GRK5: variants seen among roughly 807,000 people sequenced by gnomAD.
GRK5 encodes the protein G protein-coupled receptor kinase 5.
GRK5 carries 40 observed loss-of-function variants against 78.4 expected under a neutral mutation model. The observed-to-expected ratio is 0.51, with a 90% CI of 0.40 to 0.66. GRK5 has a LOEUF of 0.66. Among genes scored for constraint, GRK5 ranks in the 30% least tolerant of loss-of-function variants. The pLI, the probability that GRK5 is intolerant of heterozygous loss-of-function variation, is 0.00. For synonymous variants in GRK5, 289 were observed against 296.8 expected, an observed-to-expected ratio of 0.97 and a Z score of 0.27; for missense variants, 598 against 759.9, an observed-to-expected ratio of 0.79 and a Z score of 2.50.
intron 1 of GRK5, among the ~76,000 whole-genome samples, chr10:119,258,498 C>T (rs770801937): frequency 6.6e-6 from 1 of 152,178 alleles, no homozygotes; most frequent in Non-Finnish European, 1.5e-5. Context: ...TTATAAGAAA[C>T]CTGCAAGCTG....
chr10:119,347,426 T>C (rs575710511), intron 2 of GRK5, among the ~76,000 whole-genome samples: 5 of 152,288 alleles, frequency 3.3e-5, no homozygotes, highest in African/African-American at 9.6e-5. Context: ...CATGCAAGTT[T>C]GTATGTGTCC....
At chr10:119,237,780 T>C (rs1428564890) in intron 1 of GRK5, among the ~76,000 whole-genome samples, 1 of 152,076 alleles carries the variant, frequency 6.6e-6, no homozygotes, top group Admixed American at 6.5e-5. Context: ...ATGGGAACAC[T>C]GGAAAATAGA....
intron 4 of GRK5, among the ~76,000 whole-genome samples, chr10:119,419,799 T>C (rs965325990): frequency 7.9e-5 from 12 of 152,236 alleles, no homozygotes; most frequent in African/African-American, 2.7e-4. Flanking sequence ...TTCCGTCTTC[T>C]ATAAAGCCTT....
intron 8 of GRK5, among the ~76,000 whole-genome samples, chr10:119,434,597 G>A (rs377593758): frequency 6.6e-5 from 10 of 152,350 alleles, no homozygotes; most frequent in South Asian, 2.1e-4. Context: ...ATGCCAAGAC[G>A]TGGGTTCCCA....
At chr10:119,235,067 C>A (rs572559993) in intron 1 of GRK5, among the ~76,000 whole-genome samples, 1 of 152,128 alleles carries the variant, frequency 6.6e-6, no homozygotes, top group Non-Finnish European at 1.5e-5. Context: ...CTCTGCCTTC[C>A]CAGGCTTGGG....
At chr10:119,312,036 C>T (rs1850368458) in intron 1 of GRK5, among the ~76,000 whole-genome samples, 1 of 151,392 alleles carries the variant, frequency 6.6e-6, no homozygotes, top group Non-Finnish European at 1.5e-5. Context: ...CCTGCCTCAG[C>T]CTCCTGAGTA....
chr10:119,394,356 G>C lies in GRK5; in HGVS notation c.262-2339G>C, dbSNP rs1564917116. On this transcript the variant is annotated intron_variant, in intron 3 of 15. Transcript: ENST00000392870. Reference sequence around the variant, plus strand: ...TGTGTCTGTGTGTGGGCATGTGGGTGTGTGGGTGTGTGTGGGTGTCGGTGT... The same window carrying C: ...TGTGTCTGTGTGTGGGCATGTGGGTCTGTGGGTGTGTGTGGGTGTCGGTGT... Among the ~76,000 whole-genome samples the C allele has an allele frequency of 1.6e-3, 169 of 107,392 alleles. 26 individuals carry two copies. The highest frequency in any genetic ancestry group is 4.7e-3 in the Middle Eastern group (1 of 214). The allele number at this position is 107,392 out of a possible 152,430, so 70.5% of individuals were successfully genotyped here. A position where few individuals can be genotyped will look rare whatever the true frequency, so the allele number is the denominator to read the frequency against.
intron 2 of GRK5, among the ~76,000 whole-genome samples, chr10:119,343,916 C>T (rs1851027537): frequency 1.3e-5 from 2 of 152,088 alleles, no homozygotes; most frequent in South Asian, 2.1e-4. Flanking sequence ...CTGTGTACGG[C>T]GTTTCTCAAG....
intron 3 of GRK5, among the ~76,000 whole-genome samples, chr10:119,386,439 C>A (rs1038471672): frequency 3.3e-5 from 5 of 152,158 alleles, no homozygotes; most frequent in African/African-American, 1.2e-4. Context: ...TAGACACTTA[C>A]AGTCAGTTTG....
At chr10:119,417,849 G>A (rs1852492996) in intron 4 of GRK5, among the ~76,000 whole-genome samples, 2 of 152,202 alleles carry the variant, frequency 1.3e-5, no homozygotes, top group East Asian at 3.9e-4. Context: ...TGTTCCAAGT[G>A]ATGGGAAGAG....
rs145397190 is a variant in GRK5, at chr10:119,436,822, C to A, written c.910C>A (p.Arg304Ser). Residue 304 changes from arginine (R) to serine (S), a missense_variant, in exon 9 of 16, where the codon CGT (arginine) becomes AGT (serine). By Grantham distance (110) the Arg-to-Ser change is moderately radical. Transcript: ENST00000392870. ...CCTCTGCGGCTTAGAAGACCTCCACCGTGAGAACACCGTCTACCGGTGAGT... is the reference window on the plus strand; with the variant it reads ...CCTCTGCGGCTTAGAAGACCTCCACAGTGAGAACACCGTCTACCGGTGAGT... ...EILCGLEDLH[R>S]ENTVYRDLKP... 1 of 1,608,478 alleles carries A rather than the reference C, an allele frequency of 6.2e-7. No individual in the cohort carries two copies. Among genetic ancestry groups the A allele is most frequent in the Non-Finnish European group, 8.5e-7 (1 of 1,176,660 alleles).
chr10:119,450,802 C>T (rs1229993657), intron 13 of GRK5, among the ~76,000 whole-genome samples: 1 of 152,128 alleles, frequency 6.6e-6, no homozygotes, highest in Non-Finnish European at 1.5e-5. Context: ...CCTGCCTCAG[C>T]CGTGTACCCT....
At chr10:119,355,614 T>G (rs1286806471) in intron 2 of GRK5, among the ~76,000 whole-genome samples, 1 of 152,332 alleles carries the variant, frequency 6.6e-6, no homozygotes, top group East Asian at 1.9e-4. Context: ...CCCCTGTCTC[T>G]ATTAAAAATA....
At chr10:119,366,151 C>G (rs1221595953) in intron 2 of GRK5, among the ~76,000 whole-genome samples, 1 of 152,176 alleles carries the variant, frequency 6.6e-6, no homozygotes, top group African/African-American at 2.4e-5. Flanking sequence ...AATTCCAACA[C>G]CCTATTAAAG....
intron 6 of GRK5, among the ~76,000 whole-genome samples, chr10:119,426,796 C>T (rs2133888897): frequency 6.6e-6 from 1 of 151,926 alleles, no homozygotes; most frequent in East Asian, 1.9e-4. Flanking sequence ...AGCATCACCA[C>T]CTTCATCAAC....
At chr10:119,399,036 C>T (rs1324485592) in intron 4 of GRK5, among the ~76,000 whole-genome samples, 2 of 135,580 alleles carry the variant, frequency 1.5e-5, no homozygotes, top group African/African-American at 5.0e-5. Flanking sequence ...GCTGGCAGCC[C>T]CTGACCTGAG....
At chr10:119,355,706 G>A (rs1057000549) in intron 2 of GRK5, among the ~76,000 whole-genome samples, 1 of 152,136 alleles carries the variant, frequency 6.6e-6, no homozygotes, top group African/African-American at 2.4e-5. Context: ...CTTGAATCTG[G>A]GAGGCAGAGG....
chr10:119,427,948 TCATCAGCCTCACTGCC>T (rs1286443798), intron 6 of GRK5, among the ~76,000 whole-genome samples: 6 of 152,104 alleles, frequency 3.9e-5, no homozygotes, highest in Non-Finnish European at 8.8e-5. Flanking sequence ...CTCACTGCCA[TCATCAGCCTCACTGCC>T]ATCATCAGCA....
chr10:119,300,380 C>T (rs937605120), intron 1 of GRK5, among the ~76,000 whole-genome samples: 1 of 152,200 alleles, frequency 6.6e-6, no homozygotes, highest in Non-Finnish European at 1.5e-5. Context: ...ACACTGCTAT[C>T]CATTGCTCAC....
Sources: gnomAD v4.1 joint callset for allele counts (sites outside exome capture counted in the v4.1 genomes callset) on GRCh38, gnomAD v4.1.1 for gene constraint, MANE v1.5 for transcripts, NCBI Gene and HGNC (gene_info 2026-07-23, HGNC 2026-07-21) for gene names.